MVB12B: variants seen among roughly 807,000 people sequenced by gnomAD.
MVB12B encodes the protein multivesicular body subunit 12B.
MVB12B carries 16 observed loss-of-function variants against 41.6 expected under a neutral mutation model. The observed-to-expected ratio is 0.38, with a 90% confidence interval of 0.26 to 0.58. The LOEUF is 0.58. Ranked by LOEUF, MVB12B falls within the 20% of genes least tolerant of loss-of-function variation. MVB12B has a pLI of 0.62. For synonymous variants in MVB12B, 133 were observed against 139.7 expected (o/e 0.95, Z 0.34); for missense variants, 274 against 380.2 (o/e 0.72, Z 2.32).
intron 2 of MVB12B, among the ~76,000 whole-genome samples, chr9:126,346,148 C>A (rs111779123): frequency 0.018 from 2,802 of 152,174 alleles, 88 homozygotes; most frequent in African/African-American, 0.065. Flanking sequence ...TGTGTTTTCC[C>A]AAGATCACTT....
chr9:126,501,238 C>G (rs1406876480), intron 9 of MVB12B, among the ~76,000 whole-genome samples: 3 of 152,220 alleles, frequency 2.0e-5, no homozygotes. Flanking sequence ...GCTCAGTGAT[C>G]GCTTGCTCAG....
intron 1 of MVB12B, among the ~76,000 whole-genome samples, chr9:126,331,721 T>C (rs564776221): frequency 6.6e-6 from 1 of 152,346 alleles, no homozygotes; most frequent in Non-Finnish European, 1.5e-5. Flanking sequence ...GTACAGTAAG[T>C]GTCAGAGCTG....
intron 9 of MVB12B, among the ~76,000 whole-genome samples, chr9:126,493,186 T>C (rs1833769800): frequency 6.6e-6 from 1 of 152,146 alleles, no homozygotes; most frequent in South Asian, 2.1e-4. Flanking sequence ...TGTTTTCCCT[T>C]ATTATTTTAT....
rs1366304605 is a variant in MVB12B, at chr9:126,440,491, C to T, written c.757+18543C>T. Among the ~76,000 whole-genome samples, 7 of 152,166 alleles carry T rather than the reference C, an allele frequency of 4.6e-5. No homozygotes were observed. In the East Asian group the frequency reaches 9.6e-4, roughly 21 times the overall value. On this transcript the variant is annotated intron_variant, in intron 7 of 9. Transcript: ENST00000361171. ...GTCACATGGGTGTGCTTTCATCTTT[C>T]AGGCATTCATCCTAGCTGAAATACA...
At chr9:126,379,844 T>G (rs1830586643) in intron 2 of MVB12B, among the ~76,000 whole-genome samples, 1 of 152,194 alleles carries the variant, frequency 6.6e-6, no homozygotes, top group Non-Finnish European at 1.5e-5. Context: ...GCCATCCATG[T>G]GCTGTGGGGC....
chr9:126,404,105 C>T (rs1203453230), intron 6 of MVB12B, among the ~76,000 whole-genome samples: 1 of 152,012 alleles, frequency 6.6e-6, no homozygotes, highest in Non-Finnish European at 1.5e-5. Context: ...AAACATGTGC[C>T]ACCACGCCTA....
chr9:126,331,319 G>T (rs1306642451), intron 1 of MVB12B, among the ~76,000 whole-genome samples: 1 of 152,176 alleles, frequency 6.6e-6, no homozygotes, highest in Admixed American at 6.5e-5. Context: ...CCATCGTAAT[G>T]AGTATAAGGT....
At chr9:126,475,823 CCAGCCTGGA>C (rs770426632) in intron 7 of MVB12B, among the ~76,000 whole-genome samples, 6 of 152,326 alleles carry the variant, frequency 3.9e-5, no homozygotes, top group South Asian at 2.1e-4. Flanking sequence ...AAGTTCAAGA[CCAGCCTGGA>C]CAGCCTGGAC....
intron 9 of MVB12B, among the ~76,000 whole-genome samples, chr9:126,496,384 C>A (rs1833835885): frequency 6.8e-6 from 1 of 147,466 alleles, no homozygotes; most frequent in Non-Finnish European, 1.5e-5. Flanking sequence ...CAGCCACTAC[C>A]TATCCACCCA....
chr9:126,449,498 G>A (rs117643477), intron 7 of MVB12B, among the ~76,000 whole-genome samples: 1 of 152,286 alleles, frequency 6.6e-6, no homozygotes, highest in East Asian at 1.9e-4. Flanking sequence ...CCTTGCTAAG[G>A]CTCATTTCCA....
chr9:126,389,910 G>A lies in MVB12B; in HGVS notation c.410-2156G>A, dbSNP rs1361293824. Among the ~76,000 whole-genome samples, 2 of 152,050 alleles carry A rather than the reference G, an allele frequency of 1.3e-5. No individual in the cohort carries two copies. Among genetic ancestry groups the A allele is most frequent in the Admixed American group, 1.3e-4 (2 of 15,264 alleles). On this transcript the variant is annotated intron_variant, in intron 4 of 9. Transcript: ENST00000361171. This position sits in a 1 kb window ranked among gnomAD's most constrained non-coding sequence, Gnocchi z 4.4. ...TCTCTCTGCTCGTAGATCTGCTCTA[G>A]CCCTCAGTTTCTGTGCCTGAGGAAC...
At chr9:126,390,150 C>A (rs1830905756) in intron 4 of MVB12B, among the ~76,000 whole-genome samples, 1 of 152,168 alleles carries the variant, frequency 6.6e-6, no homozygotes, top group Non-Finnish European at 1.5e-5. Flanking sequence ...AAACCCAATA[C>A]CAAGCACAGG....
intron 1 of MVB12B, among the ~76,000 whole-genome samples, chr9:126,330,686 C>T (rs1461885177): frequency 6.6e-6 from 1 of 152,178 alleles, no homozygotes; most frequent in Non-Finnish European, 1.5e-5. Context: ...CACATTCACA[C>T]TGTGGTGCAA....
chr9:126,481,314 A>AC, intron 7 of MVB12B, 55 bp from the exon 8 acceptor site: 1 of 1,445,426 alleles, frequency 6.9e-7, no homozygotes, highest in Non-Finnish European at 9.7e-7. Context: ...TTGCTGGACA[A>AC]CTAAATGCCA....
intron 9 of MVB12B, among the ~76,000 whole-genome samples, chr9:126,499,712 A>G: frequency 6.6e-6 from 1 of 152,164 alleles, no homozygotes; most frequent in Non-Finnish European, 1.5e-5. Context: ...GTTAGGGAAA[A>G]CAAGAAGCGG....
intron 7 of MVB12B, among the ~76,000 whole-genome samples, chr9:126,471,121 C>G (rs969218747): frequency 2.6e-5 from 4 of 152,154 alleles, no homozygotes; most frequent in Non-Finnish European, 5.9e-5. Context: ...GGGGCCTGGT[C>G]TAAACTCATT....
At position 126,376,599 on chromosome 9, in the gene MVB12B, C is replaced by G. The variant is rs763288475; in HGVS notation, c.205-4465C>G. 7.8e-7 allele frequency: 1 copy of G among 1,289,390 alleles called. No homozygotes were observed. Among genetic ancestry groups the G allele is most frequent in the Admixed American group, 2.3e-5 (1 of 43,564 alleles). 79.9% of individuals were successfully genotyped at this position (1,289,390 alleles called of 1,614,324 possible). ...GACAAAGCCCTCAGTGTCCAGTGTT[C>G]AGGGGAGGCGGCTGGAAGCAAGAAG... is the stretch of plus-strand genomic sequence containing the variant. On this transcript the variant is annotated intron_variant, in intron 2 of 9. Coordinates refer to ENST00000361171, the MANE Select transcript of MVB12B (RefSeq NM_033446.3). The surrounding 1 kb of genome is among the most constrained non-coding windows in gnomAD (Gnocchi z 4.1).
At chr9:126,369,172 A>T (rs918565903) in intron 2 of MVB12B, among the ~76,000 whole-genome samples, 3 of 152,192 alleles carry the variant, frequency 2.0e-5, no homozygotes, top group Non-Finnish European at 4.4e-5. Context: ...TTTTGAAAAA[A>T]TTTTTAATTA....
chr9:126,416,431 G>A (rs1439711243), intron 6 of MVB12B, among the ~76,000 whole-genome samples: 2 of 152,284 alleles, frequency 1.3e-5, no homozygotes, highest in South Asian at 4.1e-4. Context: ...GCCTCCCTGG[G>A]TGTGCGATCG....
Sources: gnomAD v4.1 joint callset for allele counts (sites outside exome capture counted in the v4.1 genomes callset) on GRCh38, gnomAD v4.1.1 for gene constraint, Gnocchi (gnomAD v3.1) non-coding constraint, MANE v1.5 for transcripts, NCBI Gene and HGNC (gene_info 2026-07-23, HGNC 2026-07-21) for gene names.